Variants in TIAM1 observed in about 807,000 individuals in gnomAD.
TIAM1 encodes rho guanine nucleotide exchange factor TIAM1.
Under a neutral mutation model 163.5 loss-of-function variants are expected in TIAM1, and 65 were observed. The ratio of observed to expected loss-of-function variants is 0.40; its 90% CI spans 0.33 to 0.49. The LOEUF (loss-of-function observed/expected upper bound fraction) is 0.49, where lower values mean the gene tolerates loss of function less well. Among genes scored for constraint, TIAM1 ranks in the 20% least tolerant of loss-of-function variants. TIAM1 has a pLI of 0.77. For synonymous variants in TIAM1, 833 were observed against 810.1 expected (o/e 1.03, Z -0.48); for missense variants, 1,789 against 2,044.7 (o/e 0.87, Z 2.41).
At chr21:31,427,582 A>G (rs145430035) in intron 2 of TIAM1, among the ~76,000 whole-genome samples, 1 of 151,912 alleles carries the variant, frequency 6.6e-6, no homozygotes, top group Non-Finnish European at 1.5e-5. Context: ...GCTAATGCCT[A>G]TAAGCCCAGT....
chr21:31,408,356 C>A (rs1300490185), intron 2 of TIAM1, among the ~76,000 whole-genome samples: 1 of 152,144 alleles, frequency 6.6e-6, no homozygotes, highest in Non-Finnish European at 1.5e-5. Context: ...ATCAAGGGGA[C>A]AAGCCAGGAT....
chr21:31,193,360 G>A (rs2085660987), intron 13 of TIAM1, among the ~76,000 whole-genome samples: 1 of 152,150 alleles, frequency 6.6e-6, no homozygotes, highest in Non-Finnish European at 1.5e-5. Flanking sequence ...TTCCTCCTGG[G>A]AGTCTGGAAT....
At chr21:31,365,375 A>C (rs1602103522) in intron 2 of TIAM1, among the ~76,000 whole-genome samples, 1 of 141,668 alleles carries the variant, frequency 7.1e-6, no homozygotes. Flanking sequence ...TCTGTGTCTC[A>C]CTTATTTCTT....
rs190757103 is a variant in TIAM1 at position 31,532,119 on chromosome 21, A to G, written c.-422+26808T>C. 1.2e-3 allele frequency among the ~76,000 whole-genome samples: 184 copies of G among 152,278 alleles called. 1 individual carries two copies. The highest frequency in any genetic ancestry group is 4.3e-3 in the African/African-American group (179 of 41,540). ...GTGACAGAGCAAGACCCTGTCTCAA[A>G]AAGAAAAAAAGAAACCAACAGCAAG... is the stretch of plus-strand genomic sequence containing the variant. On this transcript the variant is annotated intron_variant, in intron 1 of 28. Transcript: ENST00000286827.
At chr21:31,318,644 GC>G (rs960721242) in intron 2 of TIAM1, among the ~76,000 whole-genome samples, 6 of 152,148 alleles carry the variant, frequency 3.9e-5, no homozygotes, top group African/African-American at 1.4e-4. Context: ...TCATGGTAAA[GC>G]CAACAAAATT....
At chr21:31,288,891 A>T (rs192123338) in intron 2 of TIAM1, among the ~76,000 whole-genome samples, 1 of 152,340 alleles carries the variant, frequency 6.6e-6, no homozygotes, top group East Asian at 1.9e-4. Flanking sequence ...TTGGCATCAT[A>T]AAGTTAAAAA....
intron 1 of TIAM1, among the ~76,000 whole-genome samples, chr21:31,548,544 A>G (rs566160544): frequency 3.8e-4 from 56 of 146,360 alleles, no homozygotes; most frequent in Admixed American, 8.2e-4. Flanking sequence ...GCTGGAGTGC[A>G]ATGGCACAAT....
At chr21:31,174,786 T>A (rs543806940) in intron 15 of TIAM1, among the ~76,000 whole-genome samples, 1 of 152,298 alleles carries the variant, frequency 6.6e-6, no homozygotes, top group South Asian at 2.1e-4. Flanking sequence ...TAGCTGGGAT[T>A]ACAGGCACCT....
At chr21:31,507,172 CT>C (rs1182952978) in intron 1 of TIAM1, among the ~76,000 whole-genome samples, 6 of 89,914 alleles carry the variant, frequency 6.7e-5, no homozygotes, top group African/African-American at 2.2e-4. Context: ...GTGCATGCAC[CT>C]TTTTAATTTT....
chr21:31,225,122 C>G (rs1056389685), intron 7 of TIAM1, among the ~76,000 whole-genome samples: 3 of 152,012 alleles, frequency 2.0e-5, no homozygotes, highest in Admixed American at 2.0e-4. Context: ...CAGGCTCAGG[C>G]GATCCTCTCC....
In TIAM1 at chr21:31,394,728, T is replaced by TCTCTCTCTCTCA. The variant is rs1279053911; in HGVS notation, c.-368-55307_-368-55306insTGAGAGAGAGAG. On this transcript the variant is annotated intron_variant, in intron 2 of 28. Transcript: ENST00000286827. ...CTCTCGCTCTCTCTCTCTCTCTCTC[T>TCTCTCTCTCTCA]CACACACACACACACACACACACAC... Among the ~76,000 whole-genome samples, 247 of 95,710 alleles carry TCTCTCTCTCTCA rather than the reference T, an allele frequency of 2.6e-3. 1 individual carries two copies. The highest frequency in any genetic ancestry group is 4.1e-3 in the Non-Finnish European group (193 of 47,324). The allele number at this position is 95,710 out of a possible 152,430, so 62.8% of individuals were successfully genotyped here.
chr21:31,292,561 A>C (rs864191), intron 2 of TIAM1, among the ~76,000 whole-genome samples: 1 of 150,310 alleles, frequency 6.7e-6, no homozygotes, highest in Non-Finnish European at 1.5e-5. Flanking sequence ...GTAGAGACGG[A>C]GTTTCACTAT....
intron 1 of TIAM1, among the ~76,000 whole-genome samples, chr21:31,474,773 C>T (rs541974924): frequency 1.3e-5 from 2 of 151,502 alleles, no homozygotes; most frequent in South Asian, 4.2e-4. Context: ...CTCGAACTCC[C>T]GACCTCAGTT....
At chr21:31,285,977 C>G (rs766436785) in intron 2 of TIAM1, among the ~76,000 whole-genome samples, 1 of 152,076 alleles carries the variant, frequency 6.6e-6, no homozygotes, top group African/African-American at 2.4e-5. Flanking sequence ...GAAAGAGAAT[C>G]TAGAAATATT....
rs144330763 is a variant in TIAM1 at position 31,546,331 on chromosome 21, C to A, written c.-422+12596G>T. 2.5e-3 allele frequency among the ~76,000 whole-genome samples: 378 copies of A among 152,100 alleles called. 15 individuals are homozygous for A. The East Asian group carries it at 0.058, about 23-fold the overall frequency. The stretch of plus-strand genomic sequence containing the variant: ...CTTTGGGAGGTCCAGGCAGGCAGAT[C>A]ACGAGGTCAGGAGTTCGAGACCAGC... On this transcript the variant is annotated intron_variant, in intron 1 of 28. Coordinates refer to the TIAM1 transcript ENST00000286827.
intron 1 of TIAM1, among the ~76,000 whole-genome samples, chr21:31,526,380 A>G (rs1053840451): frequency 6.6e-6 from 1 of 152,174 alleles, no homozygotes; most frequent in East Asian, 1.9e-4. Context: ...AACTTCTGGA[A>G]ACTTCTGGTT....
intron 2 of TIAM1, among the ~76,000 whole-genome samples, chr21:31,296,274 A>G (rs2074261391): frequency 6.6e-6 from 1 of 152,204 alleles, no homozygotes; most frequent in Non-Finnish European, 1.5e-5. Context: ...ATCCTGGTAT[A>G]GAAGAGAATA....
At chr21:31,296,503 C>T (rs1470860604) in intron 2 of TIAM1, among the ~76,000 whole-genome samples, 1 of 152,198 alleles carries the variant, frequency 6.6e-6, no homozygotes, top group Non-Finnish European at 1.5e-5. Flanking sequence ...CCTGCTTATG[C>T]ATGAATCATC....
intron 2 of TIAM1, among the ~76,000 whole-genome samples, chr21:31,358,510 G>A (rs1468222751): frequency 6.6e-6 from 1 of 151,958 alleles, no homozygotes; most frequent in African/African-American, 2.4e-5. Flanking sequence ...ACACCCTCTG[G>A]GTATCTTCCA....
Sources: allele counts gnomAD v4.1 joint callset (sites outside exome capture counted in the v4.1 genomes callset), GRCh38; gene constraint gnomAD v4.1.1; transcripts MANE v1.5; gene names NCBI Gene and HGNC (gene_info 2026-07-23, HGNC 2026-07-21).